Variants in MEI1 observed in about 807,000 individuals in gnomAD.
The protein encoded by MEI1 is meiosis inhibitor protein 1.
MEI1 carries 103 observed loss-of-function variants against 146.2 expected under a neutral mutation model. The observed-to-expected ratio is 0.70, with a 90% CI of 0.60 to 0.83. MEI1 has a LOEUF of 0.83. MEI1 is among the 40% of genes least tolerant of loss of function. The probability of loss-of-function intolerance (pLI) is 0.00; values close to 1 mark genes in which losing one functional copy is unlikely to be tolerated. For missense variants in MEI1, 1,529 were observed against 1,533.0 expected (o/e 1.00, Z 0.04); for synonymous variants, 652 against 628.2 (o/e 1.04, Z -0.57).
At chr22:41,774,513 T>A (rs1284814349) in intron 20 of MEI1, 1 of 152,192 alleles carries the variant, frequency 6.6e-6, no homozygotes, top group East Asian at 1.9e-4. Flanking sequence ...TGGAAAAAAT[T>A]ATCTAGATTC....
In MEI1 at chr22:41,743,092, G is replaced by A. The variant is rs1398115245; in HGVS notation, c.1344G>A (p.Gln448=). The change falls in exon 12 of 31, where the codon CAG becomes CAA. Residue 448 remains glutamine, a synonymous_variant. Transcript: ENST00000401548. The stretch of plus-strand genomic sequence containing the variant: ...TCTCTGGATGCAGGAAGGACCATCA[G>A]AGCACTCCACCTGTGCAGTATGGGG... The part of the protein sequence containing the change: ...ATSAFLRKDH[Q]STPPVQYGEL... 6.2e-7 allele frequency: 1 copy of A among 1,611,012 alleles called. No homozygotes were observed. The highest frequency in any genetic ancestry group is 2.2e-5 in the East Asian group (1 of 44,808).
chr22:41,749,781 A>G (rs1359560837), intron 15 of MEI1, among the ~76,000 whole-genome samples: 1 of 152,124 alleles, frequency 6.6e-6, no homozygotes, highest in Admixed American at 6.6e-5. Context: ...GAATAGCTGG[A>G]TGTAGGGCTT....
Position 41,754,064 on chromosome 22 carries a change from G to T in MEI1, c.1951+18G>T. 2 of 1,569,274 alleles carry T rather than the reference G, an allele frequency of 1.3e-6. No homozygotes were observed. The highest frequency in any genetic ancestry group is 2.2e-5 in the South Asian group (2 of 90,174). Reference sequence around the variant, plus strand: ...CAAAGAAGGTAAGATGCTACAATTTGACCACTCATGTGGCCTGTGCTGGTC... The same window carrying T: ...CAAAGAAGGTAAGATGCTACAATTTTACCACTCATGTGGCCTGTGCTGGTC... On this transcript the variant is annotated intron_variant, in intron 17 of 30. Coordinates refer to ENST00000401548, the MANE Select transcript of MEI1 (RefSeq NM_152513.4).
intron 17 of MEI1, among the ~76,000 whole-genome samples, chr22:41,757,716 G>T (rs920989367): frequency 1.3e-5 from 2 of 152,048 alleles, no homozygotes; most frequent in Non-Finnish European, 2.9e-5. Flanking sequence ...ATATAGCGCT[G>T]ATCACATGTC....
chr22:41,763,797 G>T (rs2074665712), intron 19 of MEI1, among the ~76,000 whole-genome samples: 1 of 151,886 alleles, frequency 6.6e-6, no homozygotes, highest in East Asian at 1.9e-4. Context: ...ACAACTCTTT[G>T]GTCACCTTTG....
intron 20 of MEI1, among the ~76,000 whole-genome samples, chr22:41,771,463 T>C (rs1203545906): frequency 6.6e-6 from 1 of 151,974 alleles, no homozygotes; most frequent in Non-Finnish European, 1.5e-5. Flanking sequence ...GGAGACACAG[T>C]CTCACACTGT....
rs751733110 is a variant in MEI1 at position 41,715,397 on chromosome 22, AT to A, written c.424-628del. ...AGCTATAATAACTATGATAACAATA[AT>A]TTTTTTTTTTTTTTTGAGACGGAGT... is the stretch of plus-strand genomic sequence containing the variant. On this transcript the variant is annotated intron_variant, in intron 4 of 30. Transcript: ENST00000401548. Among the ~76,000 whole-genome samples, 1,270 of 142,618 alleles carry A rather than the reference AT, an allele frequency of 8.9e-3. 8 individuals are homozygous for A. The highest frequency in any genetic ancestry group is 0.019 in the African/African-American group (730 of 39,126). The allele number at this position is 142,618 out of a possible 152,430, so 93.6% of individuals were successfully genotyped here. A position where few individuals can be genotyped will look rare whatever the true frequency, so the allele number is the denominator to read the frequency against.
intron 24 of MEI1, 104 bp from the exon 25 acceptor site, chr22:41,784,235 A>G: frequency 1.0e-6 from 1 of 970,246 alleles, no homozygotes; most frequent in Non-Finnish European, 1.6e-6. Context: ...CTTTTGATGC[A>G]GTGGATATGT....
At chr22:41,763,404 G>T (rs533622520) in intron 19 of MEI1, 83 bp downstream of exon 19, 2 of 1,483,252 alleles carry the variant, frequency 1.3e-6, no homozygotes, top group East Asian at 4.5e-5. Flanking sequence ...TGATGATAGT[G>T]TATAGACAAG....
In MEI1 at chr22:41,765,684, C is replaced by T. The variant is rs528786603; in HGVS notation, c.2268+2363C>T. On this transcript the variant is annotated intron_variant, in intron 19 of 30. Coordinates refer to ENST00000401548, the MANE Select transcript of MEI1 (RefSeq NM_152513.4). ...CTCTTCCCATCCCCACCCCCTTATT[C>T]TTTTTTTCTGAACCACTTGAAAATA... Among the ~76,000 whole-genome samples, 215 of 151,914 alleles carry T rather than the reference C, an allele frequency of 1.4e-3. 1 individual carries two copies. Among genetic ancestry groups the T allele is most frequent in the African/African-American group, 4.8e-3 (200 of 41,464 alleles).
intron 2 of MEI1, among the ~76,000 whole-genome samples, chr22:41,704,876 G>A (rs1462215701): frequency 6.6e-6 from 1 of 151,892 alleles, no homozygotes; most frequent in Non-Finnish European, 1.5e-5. Context: ...CACCACGCCT[G>A]GCTAATTTTT....
At chr22:41,722,499 G>T (rs2147446499) in intron 6 of MEI1, among the ~76,000 whole-genome samples, 2 of 147,018 alleles carry the variant, frequency 1.4e-5, no homozygotes. Context: ...GTAGAGATGG[G>T]GTCCCACTAT....
At chr22:41,726,170 T>C (rs2071335033) in intron 7 of MEI1, among the ~76,000 whole-genome samples, 2 of 152,220 alleles carry the variant, frequency 1.3e-5, no homozygotes, top group South Asian at 4.1e-4. Flanking sequence ...CCCAGCTATT[T>C]GGGAGGCTGA....
Position 41,758,353 on chromosome 22 carries a change from T to C in MEI1, c.1952-12T>C. The C allele has an allele frequency of 6.2e-7, 1 of 1,606,730 alleles. No individual in the cohort carries two copies. The highest frequency in any genetic ancestry group is 8.5e-7 in the Non-Finnish European group (1 of 1,174,982). On this transcript the variant is annotated splice_polypyrimidine_tract_variant and intron_variant, in intron 17 of 30. Transcript: ENST00000401548. Reference sequence around the variant, plus strand: ...TCTCTGTGTGGCTTTCCTCTACTTATTCCCTCCCTAGAACTCTCTGCAGTG... The same window carrying C: ...TCTCTGTGTGGCTTTCCTCTACTTACTCCCTCCCTAGAACTCTCTGCAGTG...
At chr22:41,709,505 C>T (rs2069368207) in intron 3 of MEI1, 1 of 606,976 alleles carries the variant, frequency 1.6e-6, no homozygotes, top group Admixed American at 2.0e-5. Flanking sequence ...GCAGCGACGG[C>T]AGCGGGATGT....
chr22:41,757,482 C>T (rs1262510010), intron 17 of MEI1, among the ~76,000 whole-genome samples: 1 of 152,102 alleles, frequency 6.6e-6, no homozygotes, highest in Non-Finnish European at 1.5e-5. Context: ...CTCAGCCTCC[C>T]AAGTAGCTGG....
intron 16 of MEI1, among the ~76,000 whole-genome samples, chr22:41,753,282 G>A (rs371598984): frequency 2.6e-5 from 4 of 152,074 alleles, no homozygotes; most frequent in African/African-American, 9.6e-5. Context: ...GATTACAGGC[G>A]TGAGCCACCG....
At chr22:41,751,239 C>T (rs1284974140) in intron 15 of MEI1, among the ~76,000 whole-genome samples, 1 of 152,176 alleles carries the variant, frequency 6.6e-6, no homozygotes, top group African/African-American at 2.4e-5. Context: ...TAAATTGTTG[C>T]CCCAGAGAGT....
intron 17 of MEI1, 106 bp from the exon 18 acceptor site, chr22:41,758,259 C>T: frequency 1.9e-6 from 2 of 1,069,148 alleles, no homozygotes; most frequent in Non-Finnish European, 2.7e-6. Flanking sequence ...ACTGCATTTA[C>T]CCTTGCTGCC....
Sources: gnomAD v4.1 joint callset for allele counts (sites outside exome capture counted in the v4.1 genomes callset) on GRCh38, gnomAD v4.1.1 for gene constraint, MANE v1.5 for transcripts, NCBI Gene and HGNC (gene_info 2026-07-23, HGNC 2026-07-21) for gene names.